CFAP61: variants seen among roughly 807,000 people sequenced by gnomAD.
CFAP61 encodes cilia and flagella associated protein 61.
In CFAP61, 107 loss-of-function variants were observed where a neutral mutation model predicts 135.6. That is an observed-to-expected ratio of 0.79 (90% CI 0.67 to 0.93). The LOEUF (loss-of-function observed/expected upper bound fraction) is 0.93. Among genes scored for constraint, CFAP61 ranks in the 40% least tolerant of loss-of-function variants. CFAP61 has a pLI of 0.00. For synonymous variants in CFAP61, 575 were observed against 578.5 expected (o/e 0.99, Z 0.09); for missense variants, 1,507 against 1,556.2 (o/e 0.97, Z 0.53).
At position 20,173,375 on chromosome 20, in the gene CFAP61, A is replaced by G. The variant is rs556937481; in HGVS notation, c.1385+3915A>G. Among the ~76,000 whole-genome samples the G allele has an allele frequency of 2.6e-5, 4 of 152,314 alleles. No homozygotes were observed. The South Asian group carries it at 8.3e-4, about 32-fold the overall frequency. On this transcript the variant is annotated intron_variant, in intron 13 of 26. Coordinates refer to ENST00000245957, the MANE Select transcript of CFAP61 (RefSeq NM_015585.4). ...GTCAAACTATCTGACAGAGTGGCTG[A>G]GCCATTTTGCATTCCCACCAGCAGT... is the stretch of plus-strand genomic sequence containing the variant.
intron 9 of CFAP61, among the ~76,000 whole-genome samples, chr20:20,155,775 C>T (rs1035470264): frequency 6.6e-6 from 1 of 151,958 alleles, no homozygotes; most frequent in African/African-American, 2.4e-5. Flanking sequence ...AACAACAGAT[C>T]TTGGCTTGGA....
chr20:20,255,831 C>T (rs1332211399), intron 20 of CFAP61, among the ~76,000 whole-genome samples: 1 of 152,182 alleles, frequency 6.6e-6, no homozygotes, highest in Non-Finnish European at 1.5e-5. Flanking sequence ...TCTATGTCTC[C>T]TCTCCTTGAA....
chr20:20,277,011 T>C (rs538295030), intron 21 of CFAP61, among the ~76,000 whole-genome samples, 155 bp from the exon 22 acceptor site: 3 of 152,240 alleles, frequency 2.0e-5, no homozygotes, highest in Admixed American at 6.5e-5. Flanking sequence ...GATTCTTTAC[T>C]AAATGATCTT....
intron 17 of CFAP61, among the ~76,000 whole-genome samples, chr20:20,218,759 G>A (rs1310439868): frequency 1.3e-5 from 2 of 152,202 alleles, no homozygotes; most frequent in Non-Finnish European, 2.9e-5. Flanking sequence ...TTGGCATCTG[G>A]TAGATCCTTG....
At chr20:20,358,531 A>G (rs1223719232) in intron 26 of CFAP61, among the ~76,000 whole-genome samples, 2 of 152,184 alleles carry the variant, frequency 1.3e-5, no homozygotes, top group African/African-American at 2.4e-5. Flanking sequence ...GAAAGAGCCA[A>G]CCTCATACAC....
chr20:20,247,761 C>A (rs1391101813), intron 19 of CFAP61, among the ~76,000 whole-genome samples: 1 of 152,160 alleles, frequency 6.6e-6, no homozygotes, highest in African/African-American at 2.4e-5. Context: ...TTGAGCCACA[C>A]CAGCCTCCTC....
intron 19 of CFAP61, among the ~76,000 whole-genome samples, chr20:20,247,215 C>G (rs533036992): frequency 6.6e-6 from 1 of 152,208 alleles, no homozygotes; most frequent in African/African-American, 2.4e-5. Flanking sequence ...TCTCCATTTC[C>G]CTCTTTCTAA....
At chr20:20,335,640 T>G (rs1411776119) in intron 25 of CFAP61, among the ~76,000 whole-genome samples, 3 of 152,226 alleles carry the variant, frequency 2.0e-5, no homozygotes, top group Non-Finnish European at 2.9e-5. Context: ...CCCCTATGAA[T>G]GTACTCTGCT....
chr20:20,062,452 T>G (rs1201763171), intron 2 of CFAP61, among the ~76,000 whole-genome samples: 1 of 151,760 alleles, frequency 6.6e-6, no homozygotes, highest in Non-Finnish European at 1.5e-5. Flanking sequence ...AAGTTCAGAG[T>G]TTACCTCTAA....
At chr20:20,058,451 A>G (rs958095465) in intron 2 of CFAP61, among the ~76,000 whole-genome samples, 2 of 152,244 alleles carry the variant, frequency 1.3e-5, no homozygotes, top group Non-Finnish European at 2.9e-5. Flanking sequence ...CATTCTATTA[A>G]TAGCAACTTC....
intron 21 of CFAP61, among the ~76,000 whole-genome samples, chr20:20,275,916 T>G (rs894652773): frequency 6.6e-6 from 1 of 152,162 alleles, no homozygotes. Flanking sequence ...GAATGTTGCA[T>G]TGTAGCATCT....
chr20:20,360,439 T>C lies in CFAP61; in HGVS notation c.*29T>C. 1 of 1,596,358 alleles carries C rather than the reference T, an allele frequency of 6.3e-7. No individual in the cohort carries two copies. Among genetic ancestry groups the C allele is most frequent in the Non-Finnish European group, 8.6e-7 (1 of 1,168,554 alleles). ...TAGGCAGGGTCTCCCCTTTATGGTT[T>C]TCATTTATTTAGTTCCTGGAAACGC... On this transcript the variant is annotated 3_prime_UTR_variant, in exon 27 of 27. Transcript: ENST00000245957.
chr20:20,329,265 C>T (rs1451243044), intron 25 of CFAP61, among the ~76,000 whole-genome samples: 1 of 152,154 alleles, frequency 6.6e-6, no homozygotes, highest in African/African-American at 2.4e-5. Flanking sequence ...TAGGGTCAGT[C>T]TGGCCAACTG....
At chr20:20,054,540 T>C (rs1011625999) in intron 1 of CFAP61, among the ~76,000 whole-genome samples, 4 of 152,188 alleles carry the variant, frequency 2.6e-5, no homozygotes, top group Non-Finnish European at 5.9e-5. Flanking sequence ...CAACTTTCAG[T>C]GTATGTAAGT....
intron 22 of CFAP61, among the ~76,000 whole-genome samples, chr20:20,285,607 C>T (rs184978364): frequency 3.9e-5 from 6 of 152,118 alleles, no homozygotes; most frequent in Admixed American, 3.3e-4. Context: ...GACTGCAGCT[C>T]ACCCTTTTAT....
chr20:20,346,207 G>A (rs574992369), intron 26 of CFAP61, among the ~76,000 whole-genome samples: 22 of 147,670 alleles, frequency 1.5e-4, no homozygotes, highest in African/African-American at 5.2e-4. Context: ...GGCCGATTGT[G>A]CCACTTTAGT....
At chr20:20,082,601 GGGA>G (rs1305393834) in intron 6 of CFAP61, among the ~76,000 whole-genome samples, 1 of 152,186 alleles carries the variant, frequency 6.6e-6, no homozygotes, top group East Asian at 1.9e-4. Context: ...TCCTGGGGCT[GGGA>G]GGAGACTTGG....
At chr20:20,202,547 T>C (rs1425646369) in intron 17 of CFAP61, among the ~76,000 whole-genome samples, 9 of 152,244 alleles carry the variant, frequency 5.9e-5, no homozygotes, top group Admixed American at 5.9e-4. Flanking sequence ...TTTTTCTCTT[T>C]TTAACATTTT....
intron 2 of CFAP61, among the ~76,000 whole-genome samples, chr20:20,057,769 G>A (rs950893780): frequency 6.6e-6 from 1 of 152,130 alleles, no homozygotes; most frequent in Non-Finnish European, 1.5e-5. Context: ...CAGATCTGGG[G>A]TGCAGTGGTG....
Sources: gnomAD v4.1 joint callset for allele counts (sites outside exome capture counted in the v4.1 genomes callset) on GRCh38, gnomAD v4.1.1 for gene constraint, MANE v1.5 for transcripts, NCBI Gene and HGNC (gene_info 2026-07-23, HGNC 2026-07-21) for gene names.